Variants in TMEM154 observed in about 807,000 individuals in gnomAD.
TMEM154 encodes the protein transmembrane protein 154.
TMEM154 carries 27 observed loss-of-function variants against 24.5 expected under a neutral mutation model. That is an observed-to-expected ratio of 1.10 (90% CI 0.81 to 1.52). The LOEUF (loss-of-function observed/expected upper bound fraction) is 1.52, where lower values mean the gene tolerates loss of function less well. TMEM154 is among the 40% of genes most tolerant of loss of function. TMEM154 has a pLI of 0.00. For missense variants in TMEM154, 228 were observed against 213.4 expected (o/e 1.07, Z -0.43); for synonymous variants, 67 against 76.8 (o/e 0.87, Z 0.67).
chr4:152,672,845 G>C lies in TMEM154; in HGVS notation c.64+7025C>G, dbSNP rs754578142. ...TGGCAAACTTTCTCCTAAAAGGCTA[G>C]AGAGTAAACATTTTAGATTTTGTGG... is the stretch of plus-strand genomic sequence containing the variant. On this transcript the variant is annotated intron_variant, in intron 1 of 6. Coordinates refer to ENST00000304385, the MANE Select transcript of TMEM154 (RefSeq NM_152680.3). 7.2e-5 allele frequency among the ~76,000 whole-genome samples: 11 copies of C among 152,194 alleles called. No individual in the cohort carries two copies. The East Asian group carries it at 1.7e-3, about 24-fold the overall frequency.
intron 5 of TMEM154, among the ~76,000 whole-genome samples, chr4:152,642,199 G>A (rs557680162): frequency 3.9e-5 from 6 of 151,986 alleles, no homozygotes; most frequent in African/African-American, 9.7e-5. Flanking sequence ...GATTATAGGC[G>A]TGAGCCACCG....
intron 4 of TMEM154, 25 bp from the exon 5 acceptor site, chr4:152,643,198 G>A (rs1396718671): frequency 6.6e-7 from 1 of 1,523,828 alleles, no homozygotes; most frequent in Non-Finnish European, 9.0e-7. Context: ...CAAAAGACTT[G>A]TTAGAAAGAA....
rs958326973 is a variant in TMEM154, at chr4:152,624,014, T to G, written c.*4532A>C. 1 of 152,238 alleles carries G rather than the reference T, an allele frequency of 6.6e-6. No individual in the cohort carries two copies. Among genetic ancestry groups the G allele is most frequent in the Non-Finnish European group, 1.5e-5 (1 of 68,056 alleles). 9.4% of individuals were successfully genotyped at this position (152,238 alleles called of 1,614,324 possible). A position where few individuals can be genotyped will look rare whatever the true frequency, so the allele number is the denominator to read the frequency against. On this transcript the variant is annotated 3_prime_UTR_variant, in exon 7 of 7. Coordinates refer to ENST00000304385, the MANE Select transcript of TMEM154 (RefSeq NM_152680.3). ...GAGGAGTACCATTACCCAAGCCTTC[T>G]GTACCTGAAGTCCAATTGTAAAAAA...
chr4:152,634,079 A>G (rs998331732), intron 6 of TMEM154, among the ~76,000 whole-genome samples: 7 of 151,558 alleles, frequency 4.6e-5, no homozygotes, highest in African/African-American at 9.7e-5. Context: ...ACCTTTCCCA[A>G]AATCCTGTAT....
At chr4:152,633,132 C>T (rs1752081794) in intron 6 of TMEM154, among the ~76,000 whole-genome samples, 2 of 152,052 alleles carry the variant, frequency 1.3e-5, no homozygotes, top group South Asian at 4.1e-4. Context: ...ATTTTGAAGG[C>T]TCACTGTGGG....
At chr4:152,638,593 A>G (rs922715884) in intron 6 of TMEM154, among the ~76,000 whole-genome samples, 2 of 152,220 alleles carry the variant, frequency 1.3e-5, no homozygotes, top group African/African-American at 4.8e-5. Context: ...CTAACTTCCT[A>G]ATAATTATAC....
At chr4:152,632,932 T>C (rs1193610350) in intron 6 of TMEM154, among the ~76,000 whole-genome samples, 1 of 152,150 alleles carries the variant, frequency 6.6e-6, no homozygotes, top group African/African-American at 2.4e-5. Flanking sequence ...AATGAGAAAA[T>C]GCAGGTGAAA....
At position 152,619,875 on chromosome 4, in the gene TMEM154, T is replaced by TG. The variant is rs1453905368; in HGVS notation, c.*8670dup. On this transcript the variant is annotated 3_prime_UTR_variant, in exon 7 of 7. Coordinates refer to ENST00000304385, the MANE Select transcript of TMEM154 (RefSeq NM_152680.3). ...GCCTCATGCAAATTGCAGATTTGTG[T>TG]GAAAAATAAATTGAGTGTTGTTGTT... 2.0e-5 allele frequency: 3 copies of TG among 152,352 alleles called. No individual in the cohort carries two copies. Among genetic ancestry groups the TG allele is most frequent in the African/African-American group, 7.2e-5 (3 of 41,574 alleles). The allele number at this position is 152,352 out of a possible 1,614,324, so 9.4% of individuals were successfully genotyped here. A position where few individuals can be genotyped will look rare whatever the true frequency, so the allele number is the denominator to read the frequency against.
At position 152,619,831 on chromosome 4, in the gene TMEM154, G is replaced by A. The variant is rs1442341633; in HGVS notation, c.*8715C>T. On this transcript the variant is annotated 3_prime_UTR_variant, in exon 7 of 7. Transcript: ENST00000304385. Reference sequence around the variant, plus strand: ...CCCAGCCAATGCCGTGTGGGAGAGAGTTGAACCATTTGCACTGAGCCTCAT... The same window carrying A: ...CCCAGCCAATGCCGTGTGGGAGAGAATTGAACCATTTGCACTGAGCCTCAT... 1 of 152,260 alleles carries A rather than the reference G, an allele frequency of 6.6e-6. No homozygotes were observed. Among genetic ancestry groups the A allele is most frequent in the Non-Finnish European group, 1.5e-5 (1 of 68,046 alleles). 9.4% of individuals were successfully genotyped at this position (152,260 alleles called of 1,614,324 possible). A position where few individuals can be genotyped will look rare whatever the true frequency, so the allele number is the denominator to read the frequency against.
chr4:152,642,493 T>C (rs1227188222), intron 5 of TMEM154, among the ~76,000 whole-genome samples: 2 of 152,214 alleles, frequency 1.3e-5, no homozygotes, highest in Non-Finnish European at 2.9e-5. Flanking sequence ...CAGATATCAA[T>C]TGGAAATTGT....
chr4:152,629,958 GAGA>G (rs763527620), intron 6 of TMEM154, among the ~76,000 whole-genome samples: 8 of 152,162 alleles, frequency 5.3e-5, no homozygotes, highest in East Asian at 3.9e-4. Flanking sequence ...ATCATAAGGA[GAGA>G]AGAACAATGG....
chr4:152,678,734 C>T (rs1225087611), intron 1 of TMEM154, among the ~76,000 whole-genome samples: 1 of 152,218 alleles, frequency 6.6e-6, no homozygotes, highest in Non-Finnish European at 1.5e-5. Flanking sequence ...AACAACACAT[C>T]AACTTCCAAA....
intron 1 of TMEM154, among the ~76,000 whole-genome samples, chr4:152,675,243 C>G (rs1728929270): frequency 6.7e-6 from 1 of 149,704 alleles, no homozygotes; most frequent in Admixed American, 6.7e-5. Flanking sequence ...CTAAAAGTTA[C>G]CAAATAGATA....
intron 1 of TMEM154, among the ~76,000 whole-genome samples, chr4:152,657,638 A>T (rs1728517260): frequency 6.6e-6 from 1 of 152,260 alleles, no homozygotes; most frequent in Admixed American, 6.5e-5. Flanking sequence ...TAATTCAACA[A>T]AGGACTTCTC....
intron 3 of TMEM154, chr4:152,647,386 TCA>T (rs1472780859): frequency 1.0e-6 from 1 of 960,890 alleles, no homozygotes; most frequent in African/African-American, 1.8e-5. Flanking sequence ...CTTTTAGCAT[TCA>T]GTTTTTCTGA....
intron 6 of TMEM154, among the ~76,000 whole-genome samples, chr4:152,636,647 C>A (rs1382975052): frequency 6.6e-6 from 1 of 152,202 alleles, no homozygotes; most frequent in South Asian, 2.1e-4. Flanking sequence ...AGATTACAGA[C>A]CCTAACAAGA....
In TMEM154 at chr4:152,626,426, T is replaced by C. The variant is rs1272501590; in HGVS notation, c.*2120A>G. Reference sequence around the variant, plus strand: ...TAAACAGTAATAAAAAGACACAAGGTACAAGAATTGAGGCTTGGCTGTTCT... The same window carrying C: ...TAAACAGTAATAAAAAGACACAAGGCACAAGAATTGAGGCTTGGCTGTTCT... On this transcript the variant is annotated 3_prime_UTR_variant, in exon 7 of 7. Coordinates refer to ENST00000304385, the MANE Select transcript of TMEM154 (RefSeq NM_152680.3). The C allele has an allele frequency of 6.6e-6, 1 of 152,294 alleles. No homozygotes were observed. The highest frequency in any genetic ancestry group is 1.5e-5 in the Non-Finnish European group (1 of 68,026). The allele number at this position is 152,294 out of a possible 1,614,324, so 9.4% of individuals were successfully genotyped here.
chr4:152,632,455 T>C (rs1579509014), intron 6 of TMEM154, among the ~76,000 whole-genome samples: 1 of 152,250 alleles, frequency 6.6e-6, no homozygotes, highest in South Asian at 2.1e-4. Context: ...CACTTTTTCC[T>C]TCTTTTAGAA....
At chr4:152,672,295 G>A (rs920296651) in intron 1 of TMEM154, among the ~76,000 whole-genome samples, 6 of 152,174 alleles carry the variant, frequency 3.9e-5, no homozygotes, top group African/African-American at 1.4e-4. Flanking sequence ...ACTGGTGTAA[G>A]GAGTGAGAAA....
Sources: allele counts gnomAD v4.1 joint callset (sites outside exome capture counted in the v4.1 genomes callset), GRCh38; gene constraint gnomAD v4.1.1; transcripts MANE v1.5; gene names NCBI Gene and HGNC (gene_info 2026-07-23, HGNC 2026-07-21).